TRAK1: variants seen among roughly 807,000 people sequenced by gnomAD.
TRAK1 encodes the protein trafficking kinesin-binding protein 1.
Under a neutral mutation model 92.1 loss-of-function variants are expected in TRAK1, and 33 were observed. That is an observed-to-expected ratio of 0.36 (90% CI 0.27 to 0.48). The LOEUF (loss-of-function observed/expected upper bound fraction) is 0.48. TRAK1 is among the 20% of genes least tolerant of loss of function. TRAK1 has a pLI of 0.99. For missense variants in TRAK1, 1,123 were observed against 1,257.9 expected, an observed-to-expected ratio of 0.89 and a Z score of 1.62; for synonymous variants, 521 against 517.3, an observed-to-expected ratio of 1.01 and a Z score of -0.10.
intron 1 of TRAK1, among the ~76,000 whole-genome samples, chr3:42,063,129 TATAA>T (rs1480482695): frequency 6.6e-6 from 1 of 152,242 alleles, no homozygotes; most frequent in African/African-American, 2.4e-5. Context: ...CGCCTGCTGT[TATAA>T]ATAAAGTTTT....
At chr3:42,150,187 G>C (rs951410867) in intron 2 of TRAK1, among the ~76,000 whole-genome samples, 55 of 151,976 alleles carry the variant, frequency 3.6e-4, no homozygotes, top group African/African-American at 1.3e-3. Context: ...GTGATGGGAG[G>C]GGCAGGGAAA....
Position 42,144,100 on chromosome 3 carries a change from C to T in TRAK1, c.286+18486C>T, listed in dbSNP as rs543220016. Among the ~76,000 whole-genome samples the T allele has an allele frequency of 8.5e-5, 13 of 152,220 alleles. No homozygotes were observed. In the South Asian group the frequency reaches 1.9e-3, roughly 22 times the overall value. On this transcript the variant is annotated intron_variant, in intron 2 of 15. Coordinates refer to ENST00000327628, the MANE Select transcript of TRAK1 (RefSeq NM_001042646.3). The stretch of plus-strand genomic sequence containing the variant: ...CACTGTTTAGAAATGGTGCCTCGCT[C>T]CCTACCTCACCCCACCTGTCACTCC...
chr3:42,057,770 G>A (rs560190965), intron 1 of TRAK1, among the ~76,000 whole-genome samples: 74 of 152,160 alleles, frequency 4.9e-4, no homozygotes, highest in African/African-American at 1.7e-3. Context: ...TTGCATCTTG[G>A]GCAGGCCACA....
At chr3:42,098,956 G>A (rs1706338537) in intron 1 of TRAK1, among the ~76,000 whole-genome samples, 1 of 151,982 alleles carries the variant, frequency 6.6e-6, no homozygotes, top group African/African-American at 2.4e-5. Context: ...CAGGAAGTGG[G>A]CGGTAGAGGC....
In TRAK1 at chr3:42,223,166, G is replaced by A. The variant is rs758962534; in HGVS notation, c.2291G>A (p.Arg764Gln). The change falls in exon 16 of 16, where the codon CGG becomes CAG. Residue 764 changes from arginine to glutamine, a missense_variant. Coordinates refer to ENST00000327628, the MANE Select transcript of TRAK1 (RefSeq NM_001042646.3). This position sits in a 1 kb window ranked among gnomAD's most constrained non-coding sequence, Gnocchi z 6.1. Reference protein sequence around the residue: ...YDPQSWDRAGRGSLLHSYTPK... With the variant: ...YDPQSWDRAGQGSLLHSYTPK... ...CCCCAGAGCTGGGACAGGGCCGGCCGGGGCTCCCTCCTGCACTCCTACACG... is the reference window on the plus strand; with the variant it reads ...CCCCAGAGCTGGGACAGGGCCGGCCAGGGCTCCCTCCTGCACTCCTACACG... 2.9e-5 allele frequency: 47 copies of A among 1,613,774 alleles called. No individual in the cohort carries two copies. The highest frequency in any genetic ancestry group is 8.8e-5 in the South Asian group (8 of 91,052).
chr3:42,139,776 A>G (rs1490791652), intron 2 of TRAK1, among the ~76,000 whole-genome samples: 1 of 152,200 alleles, frequency 6.6e-6, no homozygotes, highest in African/African-American at 2.4e-5. Context: ...ACAAAGCTGG[A>G]ACGGACTCAG....
chr3:42,044,806 C>A (rs1172774040), intron 1 of TRAK1, among the ~76,000 whole-genome samples: 1 of 151,930 alleles, frequency 6.6e-6, no homozygotes, highest in Non-Finnish European at 1.5e-5. Flanking sequence ...AGTCTGCTGC[C>A]AATTTTCTCT....
At chr3:42,164,273 G>A (rs68088707) in intron 2 of TRAK1, among the ~76,000 whole-genome samples, 14,896 of 152,208 alleles carry the variant, frequency 0.098, 894 homozygotes, top group Non-Finnish European at 0.13. Context: ...GCCTAAAAGA[G>A]GTGCTTTTGG....
At chr3:42,149,820 T>G (rs1699756732) in intron 2 of TRAK1, among the ~76,000 whole-genome samples, 1 of 152,180 alleles carries the variant, frequency 6.6e-6, no homozygotes, top group Admixed American at 6.5e-5. Flanking sequence ...TATGATTGTT[T>G]GCTTAGAAGG....
chr3:42,199,024 A>G (rs1291605426), intron 10 of TRAK1, among the ~76,000 whole-genome samples, 153 bp from the exon 11 acceptor site: 1 of 152,178 alleles, frequency 6.6e-6, no homozygotes, highest in Non-Finnish European at 1.5e-5. Flanking sequence ...GTCTCTGACA[A>G]CAGAGAGTGC....
rs190223353 is a variant in TRAK1 at position 42,125,667 on chromosome 3, T to C, written c.286+53T>C. The C allele has an allele frequency of 3.4e-4, 543 of 1,582,910 alleles. 1 individual carries two copies. In the African/African-American group the frequency reaches 6.0e-3, roughly 17 times the overall value. ...TGGCAGTATCATGATCAGGTCTTCT[T>C]AGCCATGGCCCCAAATAAGATCTTG... On this transcript the variant is annotated intron_variant, in intron 2 of 15. Transcript: ENST00000327628.
At chr3:42,071,668 A>G (rs1703937565) in intron 1 of TRAK1, among the ~76,000 whole-genome samples, 2 of 151,032 alleles carry the variant, frequency 1.3e-5, no homozygotes, top group African/African-American at 4.9e-5. Context: ...AGATCGCACT[A>G]TTGCACTCTA....
At chr3:42,137,391 T>G (rs1334264044) in intron 2 of TRAK1, among the ~76,000 whole-genome samples, 1 of 152,232 alleles carries the variant, frequency 6.6e-6, no homozygotes, top group Non-Finnish European at 1.5e-5. Flanking sequence ...GAACACATCC[T>G]AAAGATTTTT....
chr3:42,107,864 C>T (rs1220982049), intron 1 of TRAK1, among the ~76,000 whole-genome samples: 1 of 151,424 alleles, frequency 6.6e-6, no homozygotes, highest in Non-Finnish European at 1.5e-5. Context: ...TGGTGCAGCC[C>T]TGCTGTCCCC....
chr3:42,072,461 G>T (rs1332036054), intron 1 of TRAK1, among the ~76,000 whole-genome samples: 1 of 152,140 alleles, frequency 6.6e-6, no homozygotes, highest in Non-Finnish European at 1.5e-5. Context: ...GTTTCCTGTG[G>T]CAGGAGAGGG....
At chr3:42,028,091 T>C (rs981599472) in intron 1 of TRAK1, among the ~76,000 whole-genome samples, 59 of 152,176 alleles carry the variant, frequency 3.9e-4, no homozygotes, top group African/African-American at 1.4e-3. Flanking sequence ...CCTCAGGTGA[T>C]CCACCTGCCT....
chr3:42,086,311 C>CTTTTTTTTTTTTTTTTT (rs750932535), upstream of TRAK1, among the ~76,000 whole-genome samples: 3 of 140,478 alleles, frequency 2.1e-5, no homozygotes, highest in Admixed American at 7.0e-5. Context: ...CTTTTTCTTT[C>CTTTTTTTTTTTTTTTTT]TTTTTTTTTT....
chr3:42,203,094 TA>T, intron 13 of TRAK1: 5 of 1,231,700 alleles, frequency 4.1e-6, no homozygotes, highest in Non-Finnish European at 4.0e-6. Flanking sequence ...ATTCAAAAAT[TA>T]ATTAGGTTTT....
At chr3:42,068,911 A>G (rs529941462) in intron 1 of TRAK1, among the ~76,000 whole-genome samples, 6 of 152,330 alleles carry the variant, frequency 3.9e-5, no homozygotes, top group South Asian at 2.1e-4. Context: ...AACTTGGCCA[A>G]CATCATACAG....
Sources: allele counts gnomAD v4.1 joint callset (sites outside exome capture counted in the v4.1 genomes callset), GRCh38; gene constraint gnomAD v4.1.1; non-coding constraint Gnocchi (gnomAD v3.1); transcripts MANE v1.5; gene names NCBI Gene and HGNC (gene_info 2026-07-23, HGNC 2026-07-21).